Variants in RIN3 observed in about 807,000 individuals in gnomAD.
The protein encoded by RIN3 is RAB5 interacting protein 3.
A neutral mutation model predicts 76.3 loss-of-function variants in RIN3; 54 were observed. The ratio of observed to expected loss-of-function variants is 0.71; its 90% CI spans 0.57 to 0.89. The LOEUF (loss-of-function observed/expected upper bound fraction) is 0.89, where lower values mean the gene tolerates loss of function less well. Among genes scored for constraint, RIN3 ranks in the 40% least tolerant of loss-of-function variants. RIN3 has a pLI of 0.00. For synonymous variants in RIN3, 576 were observed against 564.0 expected (o/e 1.02, Z -0.30); for missense variants, 1,256 against 1,322.1 (o/e 0.95, Z 0.78).
intron 4 of RIN3, among the ~76,000 whole-genome samples, chr14:92,631,266 A>G (rs1456829838): frequency 2.6e-5 from 4 of 152,106 alleles, no homozygotes; most frequent in African/African-American, 4.8e-5. Flanking sequence ...CTTATTCCCC[A>G]TGACAGCATG....
At chr14:92,584,872 A>G (rs1884710638) in intron 3 of RIN3, among the ~76,000 whole-genome samples, 1 of 152,232 alleles carries the variant, frequency 6.6e-6, no homozygotes, top group Non-Finnish European at 1.5e-5. Flanking sequence ...CCCCATCTCC[A>G]GAATAGGAAC....
At chr14:92,635,090 C>A (rs977788924) in intron 4 of RIN3, among the ~76,000 whole-genome samples, 4 of 152,198 alleles carry the variant, frequency 2.6e-5, no homozygotes, top group Admixed American at 2.6e-4. Context: ...CACTCCAGCA[C>A]CCTATCTGGA....
intron 3 of RIN3, among the ~76,000 whole-genome samples, chr14:92,585,002 CTTTA>C (rs572977306): frequency 1.3e-5 from 2 of 151,986 alleles, no homozygotes; most frequent in Non-Finnish European, 2.9e-5. Context: ...CCCTGGCTTG[CTTTA>C]TTTATTTATT....
At chr14:92,535,523 G>A (rs1896976400) in intron 1 of RIN3, among the ~76,000 whole-genome samples, 1 of 151,822 alleles carries the variant, frequency 6.6e-6, no homozygotes, top group South Asian at 2.1e-4. Flanking sequence ...AGATTGGCGG[G>A]TGTGGGTGTG....
Position 92,652,589 on chromosome 14 carries a change from C to T in RIN3, c.1540C>T (p.Pro514Ser), listed in dbSNP as rs1365743042. The change falls in exon 6 of 10, where the codon CCT (proline) becomes TCT (serine). Residue 514 changes from proline (P) to serine (S), a missense_variant. Physicochemically the swap from Pro to Ser is moderately conservative, Grantham distance 74 (BLOSUM62 -1). This residue lies in a region of RIN3 where 428 missense variants were observed against 521.2 expected (regional missense o/e 0.82). Coordinates refer to ENST00000216487, the MANE Select transcript of RIN3 (RefSeq NM_024832.5). The surrounding 1 kb of genome is among the most constrained non-coding windows in gnomAD (Gnocchi z 6.4). ...TTCTCAGGCTGGGACTCAGCACCCTCCTGCCCAGGCCACTGCCCATTCCCA... is the reference window on the plus strand; with the variant it reads ...TTCTCAGGCTGGGACTCAGCACCCTTCTGCCCAGGCCACTGCCCATTCCCA... ...PASQAGTQHP[P>S]AQATAHSQSS... is the part of the protein sequence containing the mutation. 1 of 1,611,708 alleles carries T rather than the reference C, an allele frequency of 6.2e-7. No homozygotes were observed. The highest frequency in any genetic ancestry group is 1.1e-5 in the South Asian group (1 of 91,082).
intron 7 of RIN3, 185 bp downstream of exon 7, chr14:92,659,654 T>G: frequency 1.9e-6 from 1 of 519,172 alleles, no homozygotes; most frequent in Non-Finnish European, 3.3e-6. Flanking sequence ...ACCTGGGGAC[T>G]GGGAGGAGAG....
intron 4 of RIN3, chr14:92,616,115 C>G (rs779808785): frequency 2.0e-5 from 3 of 152,272 alleles, no homozygotes; most frequent in Non-Finnish European, 4.4e-5. Flanking sequence ...GCACCCCCTC[C>G]CCACCTACCA....
At position 92,687,962 on chromosome 14, in the gene RIN3, C is replaced by T. The variant is rs1005216055; in HGVS notation, c.2668C>T (p.Gln890Ter). 2 of 1,554,860 alleles carry T rather than the reference C, an allele frequency of 1.3e-6. No homozygotes were observed. The highest frequency in any genetic ancestry group is 8.7e-7 in the Non-Finnish European group (1 of 1,150,390). Residue 890 changes from glutamine to a stop codon, truncating the protein, a stop_gained, in exon 10 of 10, where the codon CAG (glutamine) becomes TAG (stop). Transcript: ENST00000216487. LOFTEE classifies it high-confidence loss of function. Reference protein sequence around the residue: ...ICVSYLEPEQQARTLASRADT... With the variant: ...ICVSYLEPEQ ...CGTGTCGTACCTGGAGCCCGAGCAG[C>T]AGGCGCGGACGCTGGCGTCGCGGGC...
chr14:92,641,574 C>T (rs1887017240), intron 5 of RIN3, among the ~76,000 whole-genome samples: 1 of 152,210 alleles, frequency 6.6e-6, no homozygotes, highest in Non-Finnish European at 1.5e-5. Flanking sequence ...GGAGCAGGGC[C>T]TGGTCAGGAC....
Position 92,651,910 on chromosome 14 carries a change from G to A in RIN3, c.861G>A (p.Leu287=). Residue 287 remains leucine (L), a synonymous_variant, in exon 6 of 10, where the codon CTG becomes CTA. Coordinates refer to ENST00000216487, the MANE Select transcript of RIN3 (RefSeq NM_024832.5). ...PRRPPPPPPV[L]PLQPCSPAQP... ...GCCCACCACCCCCTCCCCCAGTGCT[G>A]CCCCTGCAGCCCTGCAGCCCAGCCC... 2 of 1,439,248 alleles carry A rather than the reference G, an allele frequency of 1.4e-6. No individual in the cohort carries two copies. The highest frequency in any genetic ancestry group is 1.8e-6 in the Non-Finnish European group (2 of 1,088,990). 89.2% of individuals were successfully genotyped at this position (1,439,248 alleles called of 1,614,324 possible).
At position 92,681,678 on chromosome 14, in the gene RIN3, A is replaced by G. The variant is rs1247587217; in HGVS notation, c.2468-3309A>G. Among the ~76,000 whole-genome samples the G allele has an allele frequency of 2.0e-5, 3 of 152,130 alleles. No homozygotes were observed. The highest frequency in any genetic ancestry group is 4.4e-5 in the Non-Finnish European group (3 of 68,032). ...GGAAGACATAAGCCAGACAGGAAAC[A>G]GGACGACTGAGGGATGCCAGGTAGA... On this transcript the variant is annotated intron_variant, in intron 8 of 9. Coordinates refer to ENST00000216487, the MANE Select transcript of RIN3 (RefSeq NM_024832.5). The surrounding 1 kb of genome is among the most constrained non-coding windows in gnomAD (Gnocchi z 4.7).
At chr14:92,677,897 C>T (rs918994067) in intron 8 of RIN3, among the ~76,000 whole-genome samples, 7 of 150,534 alleles carry the variant, frequency 4.7e-5, no homozygotes, top group Admixed American at 2.0e-4. Flanking sequence ...TCCATCTATA[C>T]GTCCACCCAC....
chr14:92,626,134 G>C (rs189288037), intron 4 of RIN3, among the ~76,000 whole-genome samples: 1 of 152,100 alleles, frequency 6.6e-6, no homozygotes, highest in East Asian at 1.9e-4. Flanking sequence ...ACTGACTCCC[G>C]AATTCCTTTA....
intron 2 of RIN3, among the ~76,000 whole-genome samples, chr14:92,567,013 T>C (rs1341863353): frequency 6.6e-6 from 1 of 152,138 alleles, no homozygotes; most frequent in Admixed American, 6.5e-5. Context: ...TGTATTGTAG[T>C]GGTCACAAAC....
intron 7 of RIN3, among the ~76,000 whole-genome samples, chr14:92,673,911 C>T (rs1442386995): frequency 6.6e-6 from 1 of 152,204 alleles, no homozygotes; most frequent in African/African-American, 2.4e-5. Context: ...GGCCCACATA[C>T]GTTTGTGACG....
At chr14:92,661,748 CACACACACACAA>C (rs1188850972) in intron 7 of RIN3, among the ~76,000 whole-genome samples, 54 of 138,412 alleles carry the variant, frequency 3.9e-4, no homozygotes, top group African/African-American at 1.3e-3. Context: ...CACACACACA[CACACACACACAA>C]AAAATAGAAT....
At chr14:92,558,818 G>T (rs1283017243) in intron 2 of RIN3, among the ~76,000 whole-genome samples, 3 of 152,174 alleles carry the variant, frequency 2.0e-5, no homozygotes, top group African/African-American at 4.8e-5. Context: ...GTGGGTCAAA[G>T]GCTGTGGGGT....
In RIN3 at chr14:92,519,550, T is replaced by A. The variant is rs531499815; in HGVS notation, c.44+5574T>A. Among the ~76,000 whole-genome samples, 3 of 152,258 alleles carry A rather than the reference T, an allele frequency of 2.0e-5. No homozygotes were observed. In the South Asian group the frequency reaches 6.2e-4, roughly 32 times the overall value. ...GACAGCCGGGGATACGGGGCCTGGCTGTTTAGAGACCGTCTGTGAAGCCTG... is the reference window on the plus strand; with the variant it reads ...GACAGCCGGGGATACGGGGCCTGGCAGTTTAGAGACCGTCTGTGAAGCCTG... On this transcript the variant is annotated intron_variant, in intron 1 of 9. Transcript: ENST00000216487.
At chr14:92,574,880 A>G (rs1415174576) in intron 2 of RIN3, among the ~76,000 whole-genome samples, 1 of 152,102 alleles carries the variant, frequency 6.6e-6, no homozygotes, top group Non-Finnish European at 1.5e-5. Context: ...AGTGGAGGCA[A>G]AATTGAGCAC....
Sources: gnomAD v4.1 joint callset for allele counts (sites outside exome capture counted in the v4.1 genomes callset) on GRCh38, gnomAD v4.1.1 for gene constraint, gnomAD v4.1.1 regional missense constraint, Gnocchi (gnomAD v3.1) non-coding constraint, MANE v1.5 for transcripts, NCBI Gene and HGNC (gene_info 2026-07-23, HGNC 2026-07-21) for gene names.